The following CSGALNACT1 variants were observed in gnomAD, a reference collection of about 807,000 sequenced individuals.
CSGALNACT1 encodes the protein beta4GalNAcT-1.
A neutral mutation model predicts 51.0 loss-of-function variants in CSGALNACT1; 52 were observed. That is an observed-to-expected ratio of 1.02 (90% CI 0.82 to 1.29). The LOEUF is 1.29. Among genes scored for constraint, CSGALNACT1 ranks in the 50% most tolerant of loss-of-function variants. CSGALNACT1 has a pLI of 0.00. For missense variants in CSGALNACT1, 935 were observed against 679.2 expected (o/e 1.38, Z -4.19); for synonymous variants, 341 against 254.4 (o/e 1.34, Z -3.24).
intron 3 of CSGALNACT1, among the ~76,000 whole-genome samples, chr8:19,551,229 G>C (rs1263679106): frequency 6.6e-6 from 1 of 152,214 alleles, no homozygotes. Context: ...CAACATGGCA[G>C]ACAGCAGTCT....
At chr8:19,558,440 A>G (rs2039961608) in intron 3 of CSGALNACT1, among the ~76,000 whole-genome samples, 1 of 152,220 alleles carries the variant, frequency 6.6e-6, no homozygotes, top group Non-Finnish European at 1.5e-5. Flanking sequence ...AAGGGTCCCT[A>G]TAGTTGAGAA....
At chr8:19,553,620 C>CATTTATGTATATATATATAT (rs1554697188) in intron 3 of CSGALNACT1, among the ~76,000 whole-genome samples, 1 of 71,580 alleles carries the variant, frequency 1.4e-5, no homozygotes, top group Non-Finnish European at 2.5e-5. Flanking sequence ...TATATAAATA[C>CATTTATGTATATATATATAT]ATATATATAT....
intron 1 of CSGALNACT1, 95 bp from the exon 2 acceptor site, chr8:19,601,960 T>C (rs550204501): frequency 2.3e-6 from 1 of 439,084 alleles, no homozygotes; most frequent in Non-Finnish European, 4.6e-6. Flanking sequence ...AATCACTTAG[T>C]ATATAAAATA....
intron 1 of CSGALNACT1, among the ~76,000 whole-genome samples, chr8:19,708,955 T>G (rs1252654998): frequency 6.6e-6 from 1 of 152,220 alleles, no homozygotes; most frequent in Non-Finnish European, 1.5e-5. Context: ...CAGAGCCTGT[T>G]TCACCATCTG....
intron 1 of CSGALNACT1, among the ~76,000 whole-genome samples, chr8:19,666,973 AAGAAAG>A (rs2059337421): frequency 1.1e-4 from 1 of 9,074 alleles, no homozygotes; most frequent in African/African-American, 8.4e-4. Flanking sequence ...GAAAGAAAGA[AAGAAAG>A]AAAGAAAGAA....
chr8:19,649,257 AG>A (rs1232081386), intron 1 of CSGALNACT1, among the ~76,000 whole-genome samples: 1 of 152,214 alleles, frequency 6.6e-6, no homozygotes, highest in East Asian at 1.9e-4. Flanking sequence ...ATGACTACAA[AG>A]AACCTCCTAG....
intron 3 of CSGALNACT1, among the ~76,000 whole-genome samples, chr8:19,558,055 C>G (rs2039862366): frequency 6.6e-6 from 1 of 152,234 alleles, no homozygotes; most frequent in African/African-American, 2.4e-5. Flanking sequence ...CATCTCATCT[C>G]TTGGACAAGG....
intron 4 of CSGALNACT1, among the ~76,000 whole-genome samples, chr8:19,497,388 AG>A (rs2075678024): frequency 6.6e-6 from 1 of 152,168 alleles, no homozygotes. Context: ...AGGGATTTGA[AG>A]TCTGTGGTAA....
At chr8:19,600,610 A>C (rs1229771521) in intron 2 of CSGALNACT1, among the ~76,000 whole-genome samples, 1 of 152,194 alleles carries the variant, frequency 6.6e-6, no homozygotes, top group Non-Finnish European at 1.5e-5. Context: ...TACTTAGGAA[A>C]GGATTTGGGA....
chr8:19,485,448 C>G (rs1156551590), intron 4 of CSGALNACT1, among the ~76,000 whole-genome samples: 1 of 152,044 alleles, frequency 6.6e-6, no homozygotes, highest in African/African-American at 2.4e-5. Context: ...CAAGGGATCC[C>G]CAGAGAAACC....
chr8:19,508,592 T>C lies in CSGALNACT1; in HGVS notation c.-296-2462A>G, dbSNP rs570477531. ...TAATGAAGTCTCTTAGATAAACTCATTATATCCAAGAATTAAATTACCAGT... is the reference window on the plus strand; with the variant it reads ...TAATGAAGTCTCTTAGATAAACTCACTATATCCAAGAATTAAATTACCAGT... On this transcript the variant is annotated intron_variant, in intron 3 of 9. Coordinates refer to ENST00000454498, the Ensembl canonical transcript of CSGALNACT1. Among the ~76,000 whole-genome samples the C allele has an allele frequency of 2.6e-5, 4 of 152,342 alleles. No individual in the cohort carries two copies. The South Asian group carries it at 8.3e-4, about 32-fold the overall frequency.
At chr8:19,704,645 AATAAG>A (rs1456531445) in intron 1 of CSGALNACT1, among the ~76,000 whole-genome samples, 2 of 152,208 alleles carry the variant, frequency 1.3e-5, no homozygotes, top group Non-Finnish European at 2.9e-5. Context: ...CATTATTCAC[AATAAG>A]ATATGGAAAC....
chr8:19,599,516 G>GAAAGAAAGAAAGA (rs2049892229), intron 2 of CSGALNACT1, among the ~76,000 whole-genome samples: 5 of 119,280 alleles, frequency 4.2e-5, no homozygotes, highest in African/African-American at 9.3e-5. Context: ...AAGAAAGAAA[G>GAAAGAAAGAAAGA]AAAGAAAGAA....
intron 4 of CSGALNACT1, among the ~76,000 whole-genome samples, chr8:19,463,798 G>C (rs949924491): frequency 2.6e-5 from 4 of 152,174 alleles, no homozygotes; most frequent in African/African-American, 9.7e-5. Flanking sequence ...TACTCCTTGT[G>C]CAAGTATCCC....
At chr8:19,735,937 A>C (rs1035280659) in intron 1 of CSGALNACT1, among the ~76,000 whole-genome samples, 8 of 152,214 alleles carry the variant, frequency 5.3e-5, no homozygotes, top group African/African-American at 1.7e-4. Flanking sequence ...CTTTTTATAC[A>C]ATCAATTTTA....
intron 1 of CSGALNACT1, among the ~76,000 whole-genome samples, chr8:19,614,587 T>C (rs2052737951): frequency 6.6e-6 from 1 of 152,222 alleles, no homozygotes; most frequent in Non-Finnish European, 1.5e-5. Flanking sequence ...AAAAAATTTT[T>C]TTTCATCAGC....
chr8:19,580,409 T>C (rs2045306411), intron 3 of CSGALNACT1, among the ~76,000 whole-genome samples: 1 of 152,220 alleles, frequency 6.6e-6, no homozygotes, highest in African/African-American at 2.4e-5. Flanking sequence ...GACAGAGTCC[T>C]GGTAAATACT....
Position 19,406,141 on chromosome 8 carries a change from C to G in CSGALNACT1, c.1310-72G>C, listed in dbSNP as rs953794908. The G allele has an allele frequency of 4.5e-6, 7 of 1,558,532 alleles. No homozygotes were observed. In the African/African-American group the frequency reaches 9.5e-5, roughly 21 times the overall value. ...TTGCTTCCCTGAGTTGCAACAAGCA[C>G]AAACTTTTCATTAAGACATGACTGG... On this transcript the variant is annotated intron_variant, in intron 9 of 9. Coordinates refer to ENST00000454498, the Ensembl canonical transcript of CSGALNACT1.
rs146576286 is a variant in CSGALNACT1, at chr8:19,743,534, T to C, written c.-297+14316A>G. ...CTTGCAGCTAAATCAGCGATGCGAA[T>C]ATACTTTTGAATTAGACTGCACAGA... On this transcript the variant is annotated intron_variant, in intron 1 of 1. Transcript: ENST00000517494. 8.1e-4 allele frequency among the ~76,000 whole-genome samples: 123 copies of C among 152,330 alleles called. 1 individual carries two copies. Among genetic ancestry groups the C allele is most frequent in the African/African-American group, 2.8e-3 (116 of 41,580 alleles).
Sources: gnomAD v4.1 joint callset for allele counts (sites outside exome capture counted in the v4.1 genomes callset) on GRCh38, gnomAD v4.1.1 for gene constraint, MANE v1.5 for transcripts, NCBI Gene and HGNC (gene_info 2026-07-23, HGNC 2026-07-21) for gene names.